The following ERC1 variants were observed in gnomAD, a reference collection of about 807,000 sequenced individuals.
ERC1 encodes RAB6 interacting protein 2.
In ERC1, 56 loss-of-function variants were observed where a neutral mutation model predicts 132.0. The ratio of observed to expected loss-of-function variants is 0.42; its 90% confidence interval spans 0.34 to 0.53. The LOEUF is 0.53. Ranked by LOEUF, ERC1 falls within the 20% of genes least tolerant of loss-of-function variation. The pLI is 0.03. For missense variants in ERC1, 1,202 were observed against 1,349.9 expected (o/e 0.89, Z 1.72); for synonymous variants, 478 against 476.1 (o/e 1.00, Z -0.05).
chr12:1,491,638 G>C lies in ERC1; in HGVS notation c.*1408G>C, dbSNP rs2094319878. 4.4e-6 allele frequency: 1 copy of C among 229,754 alleles called. No homozygotes were observed. The highest frequency in any genetic ancestry group is 2.2e-5 in the African/African-American group (1 of 45,102). 14.2% of individuals were successfully genotyped at this position (229,754 alleles called of 1,614,324 possible). A position where few individuals can be genotyped will look rare whatever the true frequency, so the allele number is the denominator to read the frequency against. On this transcript the variant is annotated 3_prime_UTR_variant, in exon 19 of 19. Transcript: ENST00000360905. ...GCTTGCCTGTAGGATTCCATTTGATGATTCTGGATTTTTGCTGTTTGTTAT... is the reference window on the plus strand; with the variant it reads ...GCTTGCCTGTAGGATTCCATTTGATCATTCTGGATTTTTGCTGTTTGTTAT...
rs555111297 is a variant in ERC1, at chr12:1,486,511, G to A, written c.3214-3582G>A. Among the ~76,000 whole-genome samples the A allele has an allele frequency of 1.3e-3, 196 of 152,036 alleles. 2 individuals are homozygous for A. Among genetic ancestry groups the A allele is most frequent in the Non-Finnish European group, 1.5e-3 (104 of 68,000 alleles). ...ACGATCTCGGCTCACTGCAACCTCCGCCTCCCAGTTTCATGCAGTTCTCAT... is the reference window on the plus strand; with the variant it reads ...ACGATCTCGGCTCACTGCAACCTCCACCTCCCAGTTTCATGCAGTTCTCAT... On this transcript the variant is annotated intron_variant, in intron 18 of 18. Transcript: ENST00000360905.
intron 8 of ERC1, 58 bp from the exon 9 acceptor site, chr12:1,180,482 T>C: frequency 6.7e-7 from 1 of 1,502,090 alleles, no homozygotes; most frequent in Non-Finnish European, 9.2e-7. Context: ...ATTTTGATTG[T>C]GCTATTGTTT....
chr12:1,433,237 A>C (rs1339581815), intron 17 of ERC1, among the ~76,000 whole-genome samples: 2 of 152,248 alleles, frequency 1.3e-5, no homozygotes, highest in Non-Finnish European at 2.9e-5. Context: ...AGAGCAGATA[A>C]GGGCAAGCAT....
intron 12 of ERC1, among the ~76,000 whole-genome samples, chr12:1,193,683 A>G (rs1955954102): frequency 6.6e-6 from 1 of 152,192 alleles, no homozygotes; most frequent in South Asian, 2.1e-4. Flanking sequence ...AACCTGTTGC[A>G]GGCACAAGCC....
intron 15 of ERC1, among the ~76,000 whole-genome samples, chr12:1,297,737 A>G (rs908350986): frequency 4.0e-4 from 60 of 151,210 alleles, no homozygotes; most frequent in African/African-American, 1.4e-3. Flanking sequence ...AAACACAGAC[A>G]TGGTAAATCA....
chr12:1,240,121 G>A (rs2075698042), intron 13 of ERC1, among the ~76,000 whole-genome samples: 1 of 152,222 alleles, frequency 6.6e-6, no homozygotes, highest in South Asian at 2.1e-4. Context: ...GACAGTTTGA[G>A]CATAAGAAAG....
intron 2 of ERC1, among the ~76,000 whole-genome samples, chr12:1,028,985 C>G (rs900372830): frequency 6.6e-6 from 1 of 151,732 alleles, no homozygotes; most frequent in Non-Finnish European, 1.5e-5. Flanking sequence ...GTCAAAAAGT[C>G]ATTCTTAAAA....
chr12:1,376,984 T>C (rs1456421813), intron 16 of ERC1, among the ~76,000 whole-genome samples: 4 of 152,322 alleles, frequency 2.6e-5, no homozygotes, highest in East Asian at 3.9e-4. Context: ...GGTGATCCCG[T>C]TGGTCTTGAG....
Position 1,425,566 on chromosome 12 carries a change from CA to C in ERC1, c.3024+17322del, listed in dbSNP as rs1486337047. Among the ~76,000 whole-genome samples the C allele has an allele frequency of 2.0e-5, 3 of 152,320 alleles. No individual in the cohort carries two copies. The East Asian group carries it at 5.8e-4, about 29-fold the overall frequency. ...ACAGTAATCATCATTCCCCTGTGAA[CA>C]AAGGTCTCACGCAGTCATTTCTCCT... On this transcript the variant is annotated intron_variant, in intron 17 of 18. Coordinates refer to ENST00000360905, the MANE Select transcript of ERC1 (RefSeq NM_178040.4).
intron 1 of ERC1, among the ~76,000 whole-genome samples, chr12:1,003,096 C>CAAAAAAAAAAAAAAAA (rs59507923): frequency 1.5e-4 from 13 of 86,814 alleles, no homozygotes; most frequent in African/African-American, 2.6e-4. Flanking sequence ...ATGAAAAATG[C>CAAAAAAAAAAAAAAAA]AAAAAAAAAA....
chr12:1,259,534 T>C (rs1004766392), intron 13 of ERC1, among the ~76,000 whole-genome samples: 24 of 144,768 alleles, frequency 1.7e-4, no homozygotes, highest in African/African-American at 4.6e-4. Context: ...TTTTTTTTTT[T>C]TTTTTTTGAG....
At chr12:1,404,407 T>C (rs982980999) in intron 16 of ERC1, among the ~76,000 whole-genome samples, 12 of 152,002 alleles carry the variant, frequency 7.9e-5, no homozygotes, top group Non-Finnish European at 1.8e-4. Context: ...AAGTATGTTA[T>C]TTGCCACCAG....
At chr12:1,438,163 C>T (rs2092997235) in intron 17 of ERC1, among the ~76,000 whole-genome samples, 1 of 152,194 alleles carries the variant, frequency 6.6e-6, no homozygotes, top group Admixed American at 6.5e-5. Context: ...TTGCTCCAAA[C>T]CTTTGTGACA....
At chr12:1,004,019 A>G (rs1176361182) in intron 1 of ERC1, among the ~76,000 whole-genome samples, 2 of 152,118 alleles carry the variant, frequency 1.3e-5, no homozygotes, top group Non-Finnish European at 1.5e-5. Context: ...GCCATGAGAA[A>G]CTGTCTCATG....
At chr12:1,194,956 G>T in intron 12 of ERC1, among the ~76,000 whole-genome samples, 1 of 151,504 alleles carries the variant, frequency 6.6e-6, no homozygotes, top group Non-Finnish European at 1.5e-5. Context: ...ATTTTTTGGG[G>T]GCGGGGGGCA....
At chr12:1,109,325 A>T (rs1185426699) in intron 4 of ERC1, among the ~76,000 whole-genome samples, 2 of 152,242 alleles carry the variant, frequency 1.3e-5, no homozygotes, top group African/African-American at 4.8e-5. Flanking sequence ...TACAGACAAT[A>T]AGGATTGCTA....
At chr12:1,389,894 T>C (rs545097485) in intron 16 of ERC1, among the ~76,000 whole-genome samples, 5 of 152,320 alleles carry the variant, frequency 3.3e-5, no homozygotes, top group African/African-American at 9.6e-5. Context: ...AGCAAAAATA[T>C]GTAGTGCCTT....
chr12:1,033,671 G>T (rs1222436431), intron 2 of ERC1, among the ~76,000 whole-genome samples: 1 of 150,682 alleles, frequency 6.6e-6, no homozygotes, highest in East Asian at 2.0e-4. Context: ...TTGCTCTGTC[G>T]CCAGCTGGAG....
chr12:1,219,249 T>A (rs886478956), intron 12 of ERC1, among the ~76,000 whole-genome samples: 2 of 152,132 alleles, frequency 1.3e-5, no homozygotes, highest in Non-Finnish European at 2.9e-5. Context: ...TACAAGGTGC[T>A]CCAGAATACT....
Sources: allele counts gnomAD v4.1 joint callset (sites outside exome capture counted in the v4.1 genomes callset), GRCh38; gene constraint gnomAD v4.1.1; transcripts MANE v1.5; gene names NCBI Gene and HGNC (gene_info 2026-07-23, HGNC 2026-07-21).